OSER1: variants seen among roughly 807,000 people sequenced by gnomAD.
The protein encoded by OSER1 is oxidative stress-responsive serine-rich protein 1.
OSER1 carries 15 observed loss-of-function variants against 26.3 expected under a neutral mutation model. The observed-to-expected ratio is 0.57, with a 90% CI of 0.38 to 0.88. OSER1 has a LOEUF of 0.88. OSER1 is among the 40% of genes least tolerant of loss of function. The pLI is 0.00. For missense variants in OSER1, 313 were observed against 353.9 expected (o/e 0.88, Z 0.93); for synonymous variants, 127 against 128.2 (o/e 0.99, Z 0.07).
At chr20:44,208,300 C>T (rs2073059247) in intron 1 of OSER1, among the ~76,000 whole-genome samples, 1 of 151,790 alleles carries the variant, frequency 6.6e-6, no homozygotes, top group Non-Finnish European at 1.5e-5. Context: ...TATTGTAGTA[C>T]CAGCGCAAAA....
At position 44,206,335 on chromosome 20, in the gene OSER1, C is replaced by T. The variant is rs1331433018; in HGVS notation, c.77+546G>A. ...GAAGAGTCTTACACAGAACATTTTG[C>T]AAAGGGTGAAATACTAACATTCAGA... On this transcript the variant is annotated intron_variant, in intron 2 of 3. Coordinates refer to ENST00000255174, the MANE Select transcript of OSER1 (RefSeq NM_016470.8). Among the ~76,000 whole-genome samples, 3 of 152,152 alleles carry T rather than the reference C, an allele frequency of 2.0e-5. No homozygotes were observed. In the East Asian group the frequency reaches 5.8e-4, roughly 29 times the overall value.
intron 2 of OSER1, among the ~76,000 whole-genome samples, chr20:44,203,730 A>C (rs866932497): frequency 6.8e-6 from 1 of 147,350 alleles, no homozygotes; most frequent in African/African-American, 2.5e-5. Flanking sequence ...ACACACACAC[A>C]CCCCTCCTAC....
chr20:44,196,499 A>G lies in OSER1; in HGVS notation c.*553T>C, dbSNP rs1426592615. 1 of 153,194 alleles carries G rather than the reference A, an allele frequency of 6.5e-6. No homozygotes were observed. The highest frequency in any genetic ancestry group is 1.5e-5 in the Non-Finnish European group (1 of 68,728). 9.5% of individuals were successfully genotyped at this position (153,194 alleles called of 1,614,324 possible). ...GGTTAATAACTCTCTCAAACAATAGAGGGCAGGCCAGCTAGTTTATTCAAA... is the reference window on the plus strand; with the variant it reads ...GGTTAATAACTCTCTCAAACAATAGGGGGCAGGCCAGCTAGTTTATTCAAA... On this transcript the variant is annotated 3_prime_UTR_variant, in exon 4 of 4. Coordinates refer to ENST00000255174, the MANE Select transcript of OSER1 (RefSeq NM_016470.8).
At chr20:44,205,711 T>C (rs1233205073) in intron 2 of OSER1, among the ~76,000 whole-genome samples, 2 of 151,530 alleles carry the variant, frequency 1.3e-5, no homozygotes, top group Non-Finnish European at 2.9e-5. Context: ...GAGGCCGAGG[T>C]GGGTGGATCA....
chr20:44,197,014 C>T lies in OSER1; in HGVS notation c.*38G>A. ...CATTAACTAAATCTCTTTGACAAGC[C>T]TTCATTGGTTTAAAGCATATGAATT... On this transcript the variant is annotated 3_prime_UTR_variant, in exon 4 of 4. Coordinates refer to ENST00000255174, the MANE Select transcript of OSER1 (RefSeq NM_016470.8). The T allele has an allele frequency of 7.0e-7, 1 of 1,430,454 alleles. No homozygotes were observed. The highest frequency in any genetic ancestry group is 9.8e-7 in the Non-Finnish European group (1 of 1,020,552). 88.6% of individuals were successfully genotyped at this position (1,430,454 alleles called of 1,614,324 possible).
chr20:44,205,613 C>T (rs57634151), intron 2 of OSER1, among the ~76,000 whole-genome samples: 35,544 of 151,966 alleles, frequency 0.23, 6,104 homozygotes, highest in African/African-American at 0.48. Flanking sequence ...TTCTTCCTAT[C>T]GCCTTCAAGG....
chr20:44,199,096 T>C (rs1385224905), intron 3 of OSER1, among the ~76,000 whole-genome samples: 1 of 152,258 alleles, frequency 6.6e-6, no homozygotes, highest in Non-Finnish European at 1.5e-5. Context: ...ACAGTAGTGA[T>C]GCTAGCAGTT....
intron 3 of OSER1, among the ~76,000 whole-genome samples, chr20:44,202,273 G>A (rs187905204): frequency 6.6e-6 from 1 of 152,160 alleles, no homozygotes; most frequent in Non-Finnish European, 1.5e-5. Flanking sequence ...AGGTACCTGG[G>A]AGGCCAAGGC....
intron 1 of OSER1, among the ~76,000 whole-genome samples, 170 bp downstream of exon 1, chr20:44,210,526 C>G (rs889190105): frequency 2.0e-5 from 3 of 152,106 alleles, no homozygotes; most frequent in Admixed American, 2.0e-4. Context: ...AGGCACAGGC[C>G]GCGGCAGATA....
intron 1 of OSER1, among the ~76,000 whole-genome samples, chr20:44,208,997 T>C (rs1343743758): frequency 6.6e-6 from 1 of 152,236 alleles, no homozygotes; most frequent in Non-Finnish European, 1.5e-5. Context: ...GGCACTAGAA[T>C]GAATGCTAGG....
intron 1 of OSER1, among the ~76,000 whole-genome samples, chr20:44,208,332 CT>C (rs2073059618): frequency 6.6e-6 from 1 of 151,208 alleles, no homozygotes; most frequent in African/African-American, 2.4e-5. Flanking sequence ...GGAATCAGGA[CT>C]TTTCACTTTA....
intron 3 of OSER1, among the ~76,000 whole-genome samples, chr20:44,198,291 A>C (rs1427646499): frequency 6.6e-6 from 1 of 152,210 alleles, no homozygotes; most frequent in Non-Finnish European, 1.5e-5. Context: ...GATACTGGGA[A>C]TTACTGGACA....
At chr20:44,211,215 CT>C (rs1413786828), upstream of OSER1, 1 of 152,368 alleles carries the variant, frequency 6.6e-6, no homozygotes, top group East Asian at 1.9e-4. Flanking sequence ...GTGCGGGGGT[CT>C]TTATGGCAGA....
At chr20:44,207,642 A>G (rs1180602474) in intron 1 of OSER1, 1 of 152,264 alleles carries the variant, frequency 6.6e-6, no homozygotes, top group Non-Finnish European at 1.5e-5. Context: ...TAAATGAACT[A>G]TACACTTGCA....
chr20:44,202,064 CA>C (rs1263902123), intron 3 of OSER1, among the ~76,000 whole-genome samples: 1 of 152,090 alleles, frequency 6.6e-6, no homozygotes, highest in Non-Finnish European at 1.5e-5. Flanking sequence ...AGCTAAAATA[CA>C]AGAACACAGA....
At chr20:44,204,178 G>C (rs988279081) in intron 2 of OSER1, among the ~76,000 whole-genome samples, 1 of 152,086 alleles carries the variant, frequency 6.6e-6, no homozygotes, top group African/African-American at 2.4e-5. Context: ...AGATAAATAG[G>C]ATATTGTTTT....
chr20:44,199,791 GCT>G (rs938072155), intron 3 of OSER1, among the ~76,000 whole-genome samples: 2 of 152,228 alleles, frequency 1.3e-5, no homozygotes, highest in African/African-American at 2.4e-5. Flanking sequence ...ACAAAAACGT[GCT>G]CTGACTGATG....
chr20:44,207,082 CAAA>C, intron 1 of OSER1, 84 bp from the exon 2 acceptor site: 1 of 622,244 alleles, frequency 1.6e-6, no homozygotes, highest in East Asian at 2.8e-5. Context: ...AAAAAAAAAG[CAAA>C]TTTTTATTTC....
chr20:44,203,664 A>G (rs918764554), intron 2 of OSER1, among the ~76,000 whole-genome samples: 15 of 149,134 alleles, frequency 1.0e-4, no homozygotes, highest in Non-Finnish European at 2.1e-4. Flanking sequence ...ACCAACATCA[A>G]ACATTGGTGG....
Sources: gnomAD v4.1 joint callset for allele counts (sites outside exome capture counted in the v4.1 genomes callset) on GRCh38, gnomAD v4.1.1 for gene constraint, MANE v1.5 for transcripts, NCBI Gene and HGNC (gene_info 2026-07-23, HGNC 2026-07-21) for gene names.